PIBF1: variants seen among roughly 807,000 people sequenced by gnomAD.
PIBF1 encodes the protein progesterone-induced-blocking factor 1.
PIBF1 carries 90 observed loss-of-function variants against 112.5 expected under a neutral mutation model. The observed-to-expected ratio is 0.80, with a 90% CI of 0.67 to 0.95. The LOEUF (loss-of-function observed/expected upper bound fraction) is 0.95. Ranked by LOEUF, PIBF1 falls within the 40% of genes least tolerant of loss-of-function variation. The pLI is 0.00. For synonymous variants in PIBF1, 301 were observed against 288.6 expected (o/e 1.04, Z -0.44); for missense variants, 915 against 852.3 (o/e 1.07, Z -0.92).
chr13:72,835,838 G>A (rs1343142514), intron 9 of PIBF1, among the ~76,000 whole-genome samples: 3 of 152,134 alleles, frequency 2.0e-5, no homozygotes, highest in African/African-American at 4.8e-5. Context: ...GGTGGCTCAC[G>A]CCTGTAATCC....
intron 11 of PIBF1, among the ~76,000 whole-genome samples, chr13:72,897,402 AAAC>A (rs1239619676): frequency 2.6e-5 from 4 of 152,194 alleles, no homozygotes; most frequent in African/African-American, 7.2e-5. Flanking sequence ...TAAAAATCAA[AAAC>A]AACAACAAAA....
intron 9 of PIBF1, among the ~76,000 whole-genome samples, chr13:72,847,241 T>C (rs1250608119): frequency 6.6e-6 from 1 of 152,250 alleles, no homozygotes; most frequent in East Asian, 1.9e-4. Context: ...TAAGTTTTCA[T>C]ATCTAGAAAC....
intron 14 of PIBF1, among the ~76,000 whole-genome samples, chr13:72,937,763 C>G (rs1431340883): frequency 6.6e-6 from 1 of 151,830 alleles, no homozygotes. Context: ...TGCAGTGAGC[C>G]GAGATCGCGC....
At chr13:72,881,740 A>T (rs996271709) in intron 10 of PIBF1, among the ~76,000 whole-genome samples, 1 of 151,768 alleles carries the variant, frequency 6.6e-6, no homozygotes, top group Non-Finnish European at 1.5e-5. Context: ...AAAGTAAAAG[A>T]TCTCTACAAT....
chr13:72,915,647 C>G (rs778595289), intron 12 of PIBF1, among the ~76,000 whole-genome samples: 7 of 152,124 alleles, frequency 4.6e-5, no homozygotes, highest in Non-Finnish European at 8.8e-5. Flanking sequence ...ATTTGGAGAA[C>G]TCATCTTGGA....
chr13:72,793,791 A>G (rs1454801410), intron 3 of PIBF1, among the ~76,000 whole-genome samples: 1 of 152,224 alleles, frequency 6.6e-6, no homozygotes, highest in Non-Finnish European at 1.5e-5. Flanking sequence ...ACAAATGAAA[A>G]AATGGAATTT....
At chr13:72,789,834 ACT>A (rs769129359) in intron 2 of PIBF1, among the ~76,000 whole-genome samples, 2 of 151,954 alleles carry the variant, frequency 1.3e-5, no homozygotes, top group Non-Finnish European at 2.9e-5. Flanking sequence ...TGTCATAGTG[ACT>A]CTCAAAAAGT....
intron 10 of PIBF1, among the ~76,000 whole-genome samples, chr13:72,884,191 G>C (rs966406294): frequency 6.6e-6 from 1 of 152,150 alleles, no homozygotes; most frequent in African/African-American, 2.4e-5. Context: ...GTTTATACCT[G>C]TATATGACAG....
intron 13 of PIBF1, among the ~76,000 whole-genome samples, chr13:72,927,972 T>A (rs376219570): frequency 1.4e-5 from 1 of 72,616 alleles, no homozygotes; most frequent in African/African-American, 4.5e-5. Flanking sequence ...CATATATATA[T>A]ATATACATAT....
rs112401272 is a variant in PIBF1 at position 72,854,222 on chromosome 13, A to T, written c.1322+67A>T. 3,692 of 1,029,710 alleles carry T rather than the reference A, an allele frequency of 3.6e-3. 88 individuals carry two copies. The African/African-American group carries it at 0.05, about 14-fold the overall frequency. 63.8% of individuals were successfully genotyped at this position (1,029,710 alleles called of 1,614,324 possible). A position where few individuals can be genotyped will look rare whatever the true frequency, so the allele number is the denominator to read the frequency against. On this transcript the variant is annotated intron_variant, in intron 10 of 17. Transcript: ENST00000326291. Reference sequence around the variant, plus strand: ...TTGTTTCTGTTACATATTCTTTTAGAAAATGTATTTTAAGGAGAGAATAAT... The same window carrying T: ...TTGTTTCTGTTACATATTCTTTTAGTAAATGTATTTTAAGGAGAGAATAAT...
At chr13:72,838,172 G>A (rs1374938517) in intron 9 of PIBF1, among the ~76,000 whole-genome samples, 6 of 152,186 alleles carry the variant, frequency 3.9e-5, no homozygotes, top group African/African-American at 1.2e-4. Context: ...TTATTGAAAT[G>A]TACCATTTGC....
intron 12 of PIBF1, among the ~76,000 whole-genome samples, chr13:72,916,270 C>T (rs2041088845): frequency 6.6e-6 from 1 of 151,652 alleles, no homozygotes; most frequent in East Asian, 1.9e-4. Flanking sequence ...TGGGCACCTG[C>T]AATCCCAGCT....
chr13:72,917,186 A>G lies in PIBF1; in HGVS notation c.1730+20A>G. 7.0e-7 allele frequency: 1 copy of G among 1,421,164 alleles called. No homozygotes were observed. Among genetic ancestry groups the G allele is most frequent in the East Asian group, 2.4e-5 (1 of 41,786 alleles). The allele number at this position is 1,421,164 out of a possible 1,614,324, so 88.0% of individuals were successfully genotyped here. ...GCAAAGGTAAAATCAATATATATTT[A>G]TTTTATTTATCTACTCAAGATGAAT... is the stretch of plus-strand genomic sequence containing the variant. On this transcript the variant is annotated intron_variant, in intron 13 of 17. Transcript: ENST00000326291.
intron 5 of PIBF1, among the ~76,000 whole-genome samples, chr13:72,810,356 T>C (rs949087003): frequency 6.6e-6 from 1 of 152,192 alleles, no homozygotes; most frequent in Non-Finnish European, 1.5e-5. Flanking sequence ...AATAAAACTA[T>C]TAAATTTCAT....
intron 15 of PIBF1, chr13:72,970,764 A>C (rs968621244): frequency 1.2e-4 from 19 of 152,162 alleles, no homozygotes; most frequent in African/African-American, 4.6e-4. Flanking sequence ...CTATTGAGTA[A>C]ATACATACTA....
chr13:72,809,589 GT>G (rs34696804), intron 5 of PIBF1, among the ~76,000 whole-genome samples: 306 of 100,884 alleles, frequency 3.0e-3, no homozygotes, highest in African/African-American at 6.6e-3. Context: ...TTTTTTTTTG[GT>G]TTTTTTTTTT....
At chr13:72,844,605 T>C (rs1222100429) in intron 9 of PIBF1, among the ~76,000 whole-genome samples, 3 of 152,028 alleles carry the variant, frequency 2.0e-5, no homozygotes, top group Non-Finnish European at 4.4e-5. Context: ...TTTCTGTTCC[T>C]GTGTTAGTTT....
intron 13 of PIBF1, among the ~76,000 whole-genome samples, chr13:72,922,428 C>G (rs889973622): frequency 5.3e-5 from 8 of 152,120 alleles, no homozygotes; most frequent in African/African-American, 1.9e-4. Flanking sequence ...TTGAAAATAG[C>G]AAACATGATT....
At chr13:72,908,481 C>G (rs1385024496) in intron 11 of PIBF1, 50 bp from the exon 12 acceptor site, 1 of 1,301,662 alleles carries the variant, frequency 7.7e-7, no homozygotes, top group Non-Finnish European at 1.1e-6. Flanking sequence ...TTTGTCTTAA[C>G]TGTGCACCTG....
Sources: allele counts gnomAD v4.1 joint callset (sites outside exome capture counted in the v4.1 genomes callset), GRCh38; gene constraint gnomAD v4.1.1; transcripts MANE v1.5; gene names NCBI Gene and HGNC (gene_info 2026-07-23, HGNC 2026-07-21).